PPP2R2C: variants seen among roughly 807,000 people sequenced by gnomAD.
The protein encoded by PPP2R2C is protein phosphatase 2 regulatory subunit Bgamma.
A neutral mutation model predicts 45.3 loss-of-function variants in PPP2R2C; 10 were observed. That is an observed-to-expected ratio of 0.22 (90% CI 0.14 to 0.37). The LOEUF (loss-of-function observed/expected upper bound fraction) is 0.37, where lower values mean the gene tolerates loss of function less well. Among genes scored for constraint, PPP2R2C ranks in the 10% least tolerant of loss-of-function variants. PPP2R2C has a pLI of 1.00. For synonymous variants in PPP2R2C, 257 were observed against 245.4 expected, an observed-to-expected ratio of 1.05 and a Z score of -0.44; for missense variants, 308 against 619.7, an observed-to-expected ratio of 0.50 and a Z score of 5.34.
chr4:6,381,512 A>G lies in PPP2R2C; in HGVS notation c.71-418T>C, dbSNP rs572016850. On this transcript the variant is annotated intron_variant, in intron 1 of 8. Coordinates refer to ENST00000382599, the MANE Select transcript of PPP2R2C (RefSeq NM_020416.4). ...ACCTGGGTCAGGGAAGCCCTTCCCA[A>G]TATCTCCATAGATAAGCGCAAGGCA... The G allele has an allele frequency of 7.2e-5, 100 of 1,384,058 alleles. No homozygotes were observed. In the East Asian group the frequency reaches 2.6e-3, roughly 35 times the overall value. The allele number at this position is 1,384,058 out of a possible 1,614,324, so 85.7% of individuals were successfully genotyped here.
At chr4:6,352,494 C>G (rs1027408161) in intron 5 of PPP2R2C, among the ~76,000 whole-genome samples, 1 of 152,212 alleles carries the variant, frequency 6.6e-6, no homozygotes, top group Non-Finnish European at 1.5e-5. Context: ...CCTGGCAAAG[C>G]TGCTTGAATT....
chr4:6,426,762 C>A (rs1341455019), intron 1 of PPP2R2C, among the ~76,000 whole-genome samples: 1 of 152,178 alleles, frequency 6.6e-6, no homozygotes, highest in African/African-American at 2.4e-5. Flanking sequence ...TCAGCTGCCT[C>A]CATCCACTTC....
intron 5 of PPP2R2C, among the ~76,000 whole-genome samples, chr4:6,362,716 A>C (rs1167773948): frequency 6.6e-6 from 1 of 152,158 alleles, no homozygotes; most frequent in Non-Finnish European, 1.5e-5. Context: ...TGAGACTGAA[A>C]TGCAACAGCG....
At chr4:6,474,011 C>A (rs1370638882), upstream of PPP2R2C, among the ~76,000 whole-genome samples, 1 of 152,234 alleles carries the variant, frequency 6.6e-6, no homozygotes, top group Non-Finnish European at 1.5e-5. Context: ...TACCTTTTCA[C>A]TGTGGAACAA....
At chr4:6,439,510 C>T (rs914987470) in intron 1 of PPP2R2C, among the ~76,000 whole-genome samples, 1 of 152,186 alleles carries the variant, frequency 6.6e-6, no homozygotes, top group Non-Finnish European at 1.5e-5. Flanking sequence ...CTCTCATTTT[C>T]TTCTAAATTA....
intron 5 of PPP2R2C, among the ~76,000 whole-genome samples, chr4:6,352,041 C>T (rs568127175): frequency 6.6e-5 from 10 of 152,324 alleles, no homozygotes; most frequent in East Asian, 5.8e-4. Flanking sequence ...GAGAAGCCTC[C>T]GGAGCACGAG....
At chr4:6,509,003 A>C (rs1486126669) in intron 2 of PPP2R2C, among the ~76,000 whole-genome samples, 1 of 152,242 alleles carries the variant, frequency 6.6e-6, no homozygotes, top group Non-Finnish European at 1.5e-5. Flanking sequence ...AACTTGCCTC[A>C]GTCTCTCACT....
chr4:6,414,961 GACCATA>G (rs1718472931), intron 1 of PPP2R2C, among the ~76,000 whole-genome samples: 2 of 152,204 alleles, frequency 1.3e-5, no homozygotes, highest in Non-Finnish European at 2.9e-5. Flanking sequence ...CCCTCCCAGT[GACCATA>G]GGAACCCAGG....
intron 4 of PPP2R2C, among the ~76,000 whole-genome samples, chr4:6,375,190 C>T (rs938781728): frequency 6.6e-6 from 1 of 152,194 alleles, no homozygotes; most frequent in African/African-American, 2.4e-5. Context: ...CTGCCCACTT[C>T]CTCAGAATTT....
chr4:6,560,615 A>C (rs1725543898), intron 1 of PPP2R2C, among the ~76,000 whole-genome samples: 1 of 152,192 alleles, frequency 6.6e-6, no homozygotes, highest in African/African-American at 2.4e-5. Context: ...AGCACCTCTC[A>C]GTGTTGGCTG....
At chr4:6,416,800 G>C (rs1004279494) in intron 1 of PPP2R2C, among the ~76,000 whole-genome samples, 1 of 152,230 alleles carries the variant, frequency 6.6e-6, no homozygotes, top group East Asian at 1.9e-4. Context: ...TGGAGGAGGA[G>C]GGAGACACTT....
chr4:6,404,761 G>A (rs1172087985), intron 1 of PPP2R2C, among the ~76,000 whole-genome samples: 10 of 152,316 alleles, frequency 6.6e-5, no homozygotes, highest in East Asian at 1.9e-4. Context: ...AGGGAGGCAC[G>A]GAAAAGCGAG....
intron 1 of PPP2R2C, among the ~76,000 whole-genome samples, chr4:6,421,547 C>T (rs1399468828): frequency 6.6e-6 from 1 of 152,116 alleles, no homozygotes; most frequent in Admixed American, 6.6e-5. Flanking sequence ...CTGCGGGCAG[C>T]CAAAATGGCG....
At chr4:6,440,575 G>A (rs1012281563) in intron 1 of PPP2R2C, among the ~76,000 whole-genome samples, 1 of 152,184 alleles carries the variant, frequency 6.6e-6, no homozygotes, top group Non-Finnish European at 1.5e-5. Context: ...CAGCAGGCTG[G>A]TCTCTGGACC....
intron 5 of PPP2R2C, chr4:6,350,520 C>T: frequency 8.1e-6 from 8 of 985,410 alleles, no homozygotes; most frequent in Non-Finnish European, 9.6e-6. Context: ...GTGAGTCCCA[C>T]AGGAGTTCTG....
intron 1 of PPP2R2C, chr4:6,381,623 G>T: frequency 6.7e-7 from 1 of 1,488,544 alleles, no homozygotes. Flanking sequence ...CTGCTCTGTG[G>T]CCCCACCTCC....
chr4:6,484,519 A>C (rs1256007311), intron 2 of PPP2R2C, among the ~76,000 whole-genome samples: 1 of 151,758 alleles, frequency 6.6e-6, no homozygotes, highest in African/African-American at 2.4e-5. Context: ...TTCTTAAAAA[A>C]AAAAAACCTG....
chr4:6,519,698 G>A (rs1723953102), intron 2 of PPP2R2C, among the ~76,000 whole-genome samples: 1 of 152,238 alleles, frequency 6.6e-6, no homozygotes, highest in Non-Finnish European at 1.5e-5. Context: ...AGCAAGTTGG[G>A]TAACAGAGGA....
intron 1 of PPP2R2C, among the ~76,000 whole-genome samples, chr4:6,553,460 G>A (rs1015125525): frequency 2.6e-5 from 4 of 152,192 alleles, no homozygotes; most frequent in African/African-American, 9.7e-5. Flanking sequence ...AAGGCACGGG[G>A]TCCCACCAGC....
Sources: gnomAD v4.1 joint callset for allele counts (sites outside exome capture counted in the v4.1 genomes callset) on GRCh38, gnomAD v4.1.1 for gene constraint, MANE v1.5 for transcripts, NCBI Gene and HGNC (gene_info 2026-07-23, HGNC 2026-07-21) for gene names.